The following EPB41 variants were observed in gnomAD, a reference collection of about 807,000 sequenced individuals.
EPB41 encodes protein 4.1.
Under a neutral mutation model 108.0 loss-of-function variants are expected in EPB41, and 65 were observed. The observed-to-expected ratio is 0.60, with a 90% CI of 0.49 to 0.74. The LOEUF is 0.74. EPB41 is among the 30% of genes least tolerant of loss of function. The pLI is 0.00. For missense variants in EPB41, 875 were observed against 1,037.0 expected (o/e 0.84, Z 2.15); for synonymous variants, 336 against 358.9 (o/e 0.94, Z 0.72).
intron 1 of EPB41, among the ~76,000 whole-genome samples, chr1:28,933,401 CTG>C (rs1363831123): frequency 6.6e-6 from 1 of 152,172 alleles, no homozygotes; most frequent in African/African-American, 2.4e-5. Context: ...AAGCTAGTAA[CTG>C]AGGGTGCTAA....
At chr1:29,043,095 C>T (rs1642113470) in intron 11 of EPB41, among the ~76,000 whole-genome samples, 1 of 152,084 alleles carries the variant, frequency 6.6e-6, no homozygotes, top group African/African-American at 2.4e-5. Flanking sequence ...CTTCATGGAG[C>T]TTACCTTCTG....
At chr1:29,020,491 G>A (rs766404320) in intron 7 of EPB41, among the ~76,000 whole-genome samples, 7 of 151,846 alleles carry the variant, frequency 4.6e-5, no homozygotes, top group South Asian at 2.1e-4. Flanking sequence ...AATACTGTAG[G>A]GAAATGTTAT....
chr1:28,939,905 C>T (rs140241432), intron 1 of EPB41, among the ~76,000 whole-genome samples: 192 of 152,246 alleles, frequency 1.3e-3, no homozygotes, highest in African/African-American at 4.1e-3. Context: ...GGACAGGGCT[C>T]TGTGAAAATG....
intron 4 of EPB41, among the ~76,000 whole-genome samples, chr1:29,003,875 G>A (rs890731469): frequency 6.6e-6 from 1 of 152,134 alleles, no homozygotes; most frequent in African/African-American, 2.4e-5. Context: ...CGATTCTCAC[G>A]CCTCAGCCTC....
intron 1 of EPB41, among the ~76,000 whole-genome samples, chr1:28,894,198 C>T (rs2090431773): frequency 6.6e-6 from 1 of 152,176 alleles, no homozygotes; most frequent in Non-Finnish European, 1.5e-5. Context: ...TTCATGTAAG[C>T]CCCACAAGGG....
intron 10 of EPB41, among the ~76,000 whole-genome samples, chr1:29,036,675 GA>G (rs1373130438): frequency 4.3e-5 from 6 of 139,102 alleles, no homozygotes; most frequent in African/African-American, 1.7e-4. Context: ...ATGTGAAGCT[GA>G]TTTTTTTTTT....
intron 2 of EPB41, among the ~76,000 whole-genome samples, chr1:28,988,656 G>A (rs558450677): frequency 3.9e-5 from 6 of 152,140 alleles, no homozygotes; most frequent in African/African-American, 9.6e-5. Flanking sequence ...CACCATGCCC[G>A]GCTTATAGTT....
chr1:28,996,989 A>G (rs1173680398), intron 3 of EPB41, among the ~76,000 whole-genome samples: 1 of 152,026 alleles, frequency 6.6e-6, no homozygotes, highest in East Asian at 1.9e-4. Context: ...TCTCTCTACA[A>G]AAAATTTTAA....
intron 1 of EPB41, among the ~76,000 whole-genome samples, chr1:28,896,792 C>A (rs2090714255): frequency 6.6e-6 from 1 of 150,840 alleles, no homozygotes; most frequent in South Asian, 2.1e-4. Flanking sequence ...ATGCCGAGAT[C>A]TTGGGCTGGG....
At chr1:28,912,027 A>C (rs56166118), upstream of EPB41, among the ~76,000 whole-genome samples, 12,793 of 152,162 alleles carry the variant, frequency 0.084, 750 homozygotes, top group East Asian at 0.27. Context: ...GCCTGGGCAA[A>C]AAGAGCGAAA....
At chr1:29,025,171 C>T (rs2096703638) in intron 7 of EPB41, among the ~76,000 whole-genome samples, 1 of 151,944 alleles carries the variant, frequency 6.6e-6, no homozygotes, top group Admixed American at 6.6e-5. Flanking sequence ...TAATTGCCCT[C>T]CATTTATTGG....
At chr1:29,000,023 C>T (rs184569984) in intron 4 of EPB41, among the ~76,000 whole-genome samples, 2 of 152,284 alleles carry the variant, frequency 1.3e-5, no homozygotes, top group East Asian at 3.9e-4. Flanking sequence ...CTCCTGGGCT[C>T]AAGCAATCCT....
upstream of EPB41, among the ~76,000 whole-genome samples, chr1:28,913,898 G>A (rs908756466): frequency 6.6e-6 from 1 of 152,140 alleles, no homozygotes; most frequent in Non-Finnish European, 1.5e-5. Flanking sequence ...TTATAATGTT[G>A]AGATTGCCAG....
chr1:28,924,068 C>T (rs2093304060), intron 1 of EPB41, among the ~76,000 whole-genome samples: 1 of 152,192 alleles, frequency 6.6e-6, no homozygotes, highest in Admixed American at 6.5e-5. Context: ...CTACCATATC[C>T]TGAGAACACT....
At chr1:28,902,346 C>A (rs1306139079) in intron 1 of EPB41, 2 of 985,274 alleles carry the variant, frequency 2.0e-6, no homozygotes, top group Non-Finnish European at 2.4e-6. Flanking sequence ...CTAGTTGGGG[C>A]TGTTTGGCTG....
intron 12 of EPB41, among the ~76,000 whole-genome samples, chr1:29,055,329 G>A (rs1387690103): frequency 6.6e-6 from 1 of 152,046 alleles, no homozygotes; most frequent in African/African-American, 2.4e-5. Context: ...AATTGTCAGG[G>A]GAATCTTCCT....
rs12070152 is a variant in EPB41 at position 29,064,884 on chromosome 1, A to G, written c.2008-98A>G. ...TAGTAACATCTGTCCTGGATGTGGTATGTTTTCTACCAGTGCCCAGTCTCT... is the reference window on the plus strand; with the variant it reads ...TAGTAACATCTGTCCTGGATGTGGTGTGTTTTCTACCAGTGCCCAGTCTCT... On this transcript the variant is annotated intron_variant, in intron 15 of 20. Transcript: ENST00000343067. 0.24 allele frequency: 350,271 copies of G among 1,450,750 alleles called. 49,495 individuals are homozygous for G. The highest frequency in any genetic ancestry group is 0.58 in the African/African-American group (41,743 of 71,514). 89.9% of individuals were successfully genotyped at this position (1,450,750 alleles called of 1,614,324 possible).
intron 1 of EPB41, among the ~76,000 whole-genome samples, chr1:28,984,194 A>G (rs1392041776): frequency 6.6e-6 from 1 of 151,956 alleles, no homozygotes; most frequent in Admixed American, 6.6e-5. Context: ...TAGGCACAGG[A>G]TGGGGTGAGG....
intron 1 of EPB41, among the ~76,000 whole-genome samples, chr1:28,894,869 C>T (rs1419522409): frequency 6.6e-6 from 1 of 152,136 alleles, no homozygotes; most frequent in Non-Finnish European, 1.5e-5. Flanking sequence ...CTATGTGTTC[C>T]TCTTTCTGGC....
Sources: gnomAD v4.1 joint callset for allele counts (sites outside exome capture counted in the v4.1 genomes callset) on GRCh38, gnomAD v4.1.1 for gene constraint, MANE v1.5 for transcripts, NCBI Gene and HGNC (gene_info 2026-07-23, HGNC 2026-07-21) for gene names.